CDH20: variants seen among roughly 807,000 people sequenced by gnomAD.
CDH20 encodes cadherin 20.
In CDH20, 29 loss-of-function variants were observed where a neutral mutation model predicts 74.2. That is an observed-to-expected ratio of 0.39 (90% CI 0.29 to 0.53). CDH20 has a LOEUF of 0.53. Among genes scored for constraint, CDH20 ranks in the 20% least tolerant of loss-of-function variants. CDH20 has a pLI of 0.69. For synonymous variants in CDH20, 469 were observed against 405.4 expected, an observed-to-expected ratio of 1.16 and a Z score of -1.88; for missense variants, 988 against 1,048.3, an observed-to-expected ratio of 0.94 and a Z score of 0.79.
rs544266896 is a variant in CDH20 at position 61,353,308 on chromosome 18, C to G, written c.-153+19481C>G. On this transcript the variant is annotated intron_variant, in intron 1 of 11. Coordinates refer to ENST00000262717, the MANE Select transcript of CDH20 (RefSeq NM_031891.4). This position sits in a 1 kb window ranked among gnomAD's most constrained non-coding sequence, Gnocchi z 4.6. ...CCTTTGTTCTTATACTTCTCTGGCCCTGGGCTTTTCTCATCTACATGCTGT... is the reference window on the plus strand; with the variant it reads ...CCTTTGTTCTTATACTTCTCTGGCCGTGGGCTTTTCTCATCTACATGCTGT... Among the ~76,000 whole-genome samples the G allele has an allele frequency of 6.6e-6, 1 of 152,308 alleles. No individual in the cohort carries two copies. Among genetic ancestry groups the G allele is most frequent in the South Asian group, 2.1e-4 (1 of 4,824 alleles).
In CDH20 at chr18:61,481,736, C is replaced by T. The variant is rs112677192; in HGVS notation, c.-152-8666C>T. Among the ~76,000 whole-genome samples, 1,063 of 152,086 alleles carry T rather than the reference C, an allele frequency of 7.0e-3. 9 individuals are homozygous for T. Among genetic ancestry groups the T allele is most frequent in the African/African-American group, 0.024 (1,007 of 41,484 alleles). On this transcript the variant is annotated intron_variant, in intron 1 of 11. Transcript: ENST00000262717. ...TACATATATATTTTTTAAATAGAGACGAGGTTTTGCCCTGTTGCCCAGGCT... is the reference window on the plus strand; with the variant it reads ...TACATATATATTTTTTAAATAGAGATGAGGTTTTGCCCTGTTGCCCAGGCT...
intron 1 of CDH20, among the ~76,000 whole-genome samples, chr18:61,366,173 C>G (rs1226322059): frequency 6.6e-6 from 1 of 152,100 alleles, no homozygotes; most frequent in Non-Finnish European, 1.5e-5. Flanking sequence ...ATTCTCTTAT[C>G]CTACATATTA....
chr18:61,453,866 T>C (rs1332641106), intron 1 of CDH20, among the ~76,000 whole-genome samples: 1 of 152,196 alleles, frequency 6.6e-6, no homozygotes, highest in Non-Finnish European at 1.5e-5. Context: ...TGTTTAATTT[T>C]TTTTAAGAAA....
chr18:61,360,100 G>C (rs8093184), intron 1 of CDH20, among the ~76,000 whole-genome samples: 1 of 152,270 alleles, frequency 6.6e-6, no homozygotes, highest in Non-Finnish European at 1.5e-5. Context: ...AGCATGGAGT[G>C]TCTGAGCAAA....
intron 1 of CDH20, among the ~76,000 whole-genome samples, chr18:61,377,528 G>A (rs1190004144): frequency 1.3e-5 from 2 of 151,572 alleles, no homozygotes; most frequent in Admixed American, 6.6e-5. Flanking sequence ...TCCACTTTGA[G>A]TTTTTACTTG....
chr18:61,528,338 C>G, intron 7 of CDH20, 118 bp downstream of exon 7: 1 of 1,070,066 alleles, frequency 9.3e-7, no homozygotes, highest in South Asian at 1.6e-5. Context: ...TGGAGACTCT[C>G]CTCTTTGAGT....
At chr18:61,438,026 A>G (rs571246059) in intron 1 of CDH20, among the ~76,000 whole-genome samples, 1 of 152,300 alleles carries the variant, frequency 6.6e-6, no homozygotes, top group Admixed American at 6.5e-5. Flanking sequence ...ATGATCAAGA[A>G]TAAATATTTT....
intron 1 of CDH20, among the ~76,000 whole-genome samples, chr18:61,464,086 TTA>T (rs1478804733): frequency 6.6e-6 from 1 of 152,176 alleles, no homozygotes. Flanking sequence ...GCTACAGTGT[TTA>T]TGTGATTCGC....
At chr18:61,436,682 T>C (rs1038178529) in intron 1 of CDH20, among the ~76,000 whole-genome samples, 7 of 152,170 alleles carry the variant, frequency 4.6e-5, no homozygotes, top group Non-Finnish European at 2.9e-5. Context: ...TTAGGCACTG[T>C]GGCATTAGGT....
At chr18:61,498,909 C>T (rs1440098310) in intron 2 of CDH20, among the ~76,000 whole-genome samples, 1 of 151,992 alleles carries the variant, frequency 6.6e-6, no homozygotes, top group Non-Finnish European at 1.5e-5. Flanking sequence ...TCCAGAGTTC[C>T]TGTTTTCCAT....
intron 10 of CDH20, among the ~76,000 whole-genome samples, chr18:61,545,777 T>C (rs11875050): frequency 4.0e-4 from 61 of 152,266 alleles, no homozygotes; most frequent in African/African-American, 1.4e-3. Context: ...TACAGGACCA[T>C]AAACACAGTT....
At chr18:61,505,809 C>T (rs910357924) in intron 5 of CDH20, among the ~76,000 whole-genome samples, 3 of 152,176 alleles carry the variant, frequency 2.0e-5, no homozygotes, top group African/African-American at 2.4e-5. Context: ...ATTCTACACA[C>T]GTTATCGCTG....
intron 1 of CDH20, among the ~76,000 whole-genome samples, chr18:61,485,966 G>C (rs1910747449): frequency 6.6e-6 from 1 of 152,154 alleles, no homozygotes. Flanking sequence ...CCAGCTACTC[G>C]GGAGGCTGAG....
At chr18:61,384,649 G>A (rs1911537213) in intron 1 of CDH20, among the ~76,000 whole-genome samples, 1 of 152,066 alleles carries the variant, frequency 6.6e-6, no homozygotes, top group African/African-American at 2.4e-5. Context: ...AGAATCTACA[G>A]GATTCTCTTA....
At chr18:61,386,116 G>A (rs943982318) in intron 1 of CDH20, among the ~76,000 whole-genome samples, 5 of 152,102 alleles carry the variant, frequency 3.3e-5, no homozygotes, top group African/African-American at 9.7e-5. Context: ...TTGTAAAAGG[G>A]TAAATGTTTC....
At chr18:61,518,154 G>T (rs1345470006) in intron 6 of CDH20, among the ~76,000 whole-genome samples, 1 of 152,112 alleles carries the variant, frequency 6.6e-6, no homozygotes, top group Non-Finnish European at 1.5e-5. Flanking sequence ...CATCTCCCTG[G>T]GAAAAAACAC....
chr18:61,543,565 T>C (rs895784464), intron 9 of CDH20, among the ~76,000 whole-genome samples: 2 of 152,176 alleles, frequency 1.3e-5, no homozygotes, highest in Admixed American at 1.3e-4. Context: ...AAAAACATTA[T>C]GGAAAAGGCA....
At chr18:61,378,707 G>T (rs1495804) in intron 1 of CDH20, among the ~76,000 whole-genome samples, 35,401 of 152,060 alleles carry the variant, frequency 0.23, 4,801 homozygotes, top group East Asian at 0.56. Flanking sequence ...TATTCTTTTT[G>T]TCTTAGTAAA....
intron 6 of CDH20, among the ~76,000 whole-genome samples, chr18:61,511,174 T>C (rs1372687599): frequency 6.6e-6 from 1 of 151,454 alleles, no homozygotes; most frequent in African/African-American, 2.4e-5. Flanking sequence ...GTTGTTTGTT[T>C]GAGACAGGGT....
Sources: allele counts gnomAD v4.1 joint callset (sites outside exome capture counted in the v4.1 genomes callset), GRCh38; gene constraint gnomAD v4.1.1; non-coding constraint Gnocchi (gnomAD v3.1); transcripts MANE v1.5; gene names NCBI Gene and HGNC (gene_info 2026-07-23, HGNC 2026-07-21).